The following ACBD6 variants were observed in gnomAD, a reference collection of about 807,000 sequenced individuals.
The protein encoded by ACBD6 is acyl-CoA-binding domain-containing protein 6.
ACBD6 carries 28 observed loss-of-function variants against 37.2 expected under a neutral mutation model. The observed-to-expected ratio is 0.75, with a 90% confidence interval of 0.56 to 1.03. The LOEUF (loss-of-function observed/expected upper bound fraction) is 1.03. ACBD6 is among the 50% of genes least tolerant of loss of function. The pLI is 0.00. For missense variants in ACBD6, 340 were observed against 337.4 expected (o/e 1.01, Z -0.06); for synonymous variants, 113 against 126.8 (o/e 0.89, Z 0.73).
intron 7 of ACBD6, among the ~76,000 whole-genome samples, chr1:180,302,675 T>C (rs1479651040): frequency 6.6e-6 from 1 of 151,642 alleles, no homozygotes; most frequent in Non-Finnish European, 1.5e-5. Flanking sequence ...AACACCCCAC[T>C]GTCAACATTA....
At chr1:180,274,034 G>A (rs1648861607) in exon 11 of ACBD6, 6 of 884,490 alleles carry the variant, frequency 6.8e-6, no homozygotes, top group Non-Finnish European at 1.1e-5. Flanking sequence ...ATATCAGGCT[G>A]CCATATTGGT....
intron 7 of ACBD6, among the ~76,000 whole-genome samples, chr1:180,311,290 G>A (rs1318781381): frequency 6.6e-6 from 1 of 152,212 alleles, no homozygotes; most frequent in Non-Finnish European, 1.5e-5. Flanking sequence ...AGCTCATGCT[G>A]CTAGCTGTGC....
At chr1:180,340,900 G>C (rs1221326399) in intron 6 of ACBD6, among the ~76,000 whole-genome samples, 7 of 152,238 alleles carry the variant, frequency 4.6e-5, no homozygotes, top group Admixed American at 3.9e-4. Context: ...ACAGAATGAT[G>C]ATGAGGATCG....
intron 3 of ACBD6, among the ~76,000 whole-genome samples, chr1:180,442,544 T>C (rs1190791595): frequency 6.6e-6 from 1 of 152,208 alleles, no homozygotes; most frequent in Non-Finnish European, 1.5e-5. Flanking sequence ...CTAAATTTTG[T>C]TTCTGTCTTC....
At chr1:180,337,004 GC>G (rs1276426230) in intron 6 of ACBD6, among the ~76,000 whole-genome samples, 2 of 152,102 alleles carry the variant, frequency 1.3e-5, no homozygotes, top group African/African-American at 4.8e-5. Flanking sequence ...TGAAATTGAG[GC>G]AAAAATTAAT....
chr1:180,415,200 T>C (rs1002948402), intron 4 of ACBD6, among the ~76,000 whole-genome samples: 1 of 151,920 alleles, frequency 6.6e-6, no homozygotes, highest in African/African-American at 2.4e-5. Context: ...AGTTCGAAAC[T>C]AGCCTGACCA....
chr1:180,274,331 G>A, intron 10 of ACBD6: 3 of 1,614,198 alleles, frequency 1.9e-6, no homozygotes, highest in Non-Finnish European at 2.5e-6. Context: ...GAGCCCCTAT[G>A]GAATCCCCCA....
chr1:180,441,394 C>T (rs144035454), intron 3 of ACBD6, among the ~76,000 whole-genome samples: 12 of 152,212 alleles, frequency 7.9e-5, no homozygotes, highest in African/African-American at 2.2e-4. Flanking sequence ...TTTGAATCCA[C>T]TAGTTTTGCT....
chr1:180,382,612 T>C (rs912604514), intron 6 of ACBD6, among the ~76,000 whole-genome samples: 3 of 152,120 alleles, frequency 2.0e-5, no homozygotes, highest in African/African-American at 7.2e-5. Flanking sequence ...CACTGCTGAA[T>C]TCTACCAAAC....
At chr1:180,439,698 C>T (rs1024951123) in intron 3 of ACBD6, among the ~76,000 whole-genome samples, 17 of 152,160 alleles carry the variant, frequency 1.1e-4, no homozygotes, top group Admixed American at 6.5e-5. Context: ...ATGGCCCAAG[C>T]ATCTTCTGTT....
intron 5 of ACBD6, among the ~76,000 whole-genome samples, chr1:180,410,652 C>A (rs748195908): frequency 1.5e-4 from 22 of 150,716 alleles, no homozygotes; most frequent in Admixed American, 6.6e-4. Flanking sequence ...CTGTTGATAC[C>A]CACTGCTCAG....
At chr1:180,379,882 C>T (rs1653574502) in intron 6 of ACBD6, among the ~76,000 whole-genome samples, 1 of 152,182 alleles carries the variant, frequency 6.6e-6, no homozygotes. Context: ...GAAATTTAGA[C>T]ATCCAGATAT....
At position 180,400,311 on chromosome 1, in the gene ACBD6, T is replaced by C. The variant is rs193217928; in HGVS notation, c.574-2706A>G. ...TATAGCAATGTTTTAAGAAGGATGA[T>C]GTGCTCTCAGACATTTACACCATAC... On this transcript the variant is annotated intron_variant, in intron 5 of 7. Coordinates refer to ENST00000367595, the MANE Select transcript of ACBD6 (RefSeq NM_032360.4). Among the ~76,000 whole-genome samples the C allele has an allele frequency of 1.0e-3, 156 of 152,324 alleles. 1 individual carries two copies. Among genetic ancestry groups the C allele is most frequent in the Non-Finnish European group, 1.8e-3 (125 of 68,004 alleles).
At position 180,447,237 on chromosome 1, in the gene ACBD6, A is replaced by G. The variant is rs78674747; in HGVS notation, c.385-16975T>C. Among the ~76,000 whole-genome samples, 39 of 152,300 alleles carry G rather than the reference A, an allele frequency of 2.6e-4. 1 individual carries two copies. The East Asian group carries it at 7.3e-3, about 29-fold the overall frequency. On this transcript the variant is annotated intron_variant, in intron 3 of 7. Transcript: ENST00000367595. ...TTTTTGTATATATACTACATACACT[A>G]GCTAACACATTTTTTAAAGATTAAA...
At chr1:180,305,568 G>C (rs1050044709) in intron 7 of ACBD6, among the ~76,000 whole-genome samples, 5 of 152,162 alleles carry the variant, frequency 3.3e-5, no homozygotes, top group Non-Finnish European at 7.4e-5. Context: ...TCTCACACCA[G>C]TTAGAATGGC....
exon 10 of ACBD6, chr1:180,274,706 C>T: frequency 8.8e-7 from 1 of 1,142,354 alleles, no homozygotes; most frequent in Non-Finnish European, 1.2e-6. Flanking sequence ...AATGGAAGTC[C>T]TCCGCTGATT....
At chr1:180,377,808 A>G (rs1015790501) in intron 6 of ACBD6, among the ~76,000 whole-genome samples, 14 of 152,024 alleles carry the variant, frequency 9.2e-5, no homozygotes, top group South Asian at 4.1e-4. Context: ...TTAGCTGGTC[A>G]TGGTGGCACA....
At chr1:180,465,813 C>T (rs1006786473) in intron 3 of ACBD6, among the ~76,000 whole-genome samples, 1 of 152,104 alleles carries the variant, frequency 6.6e-6, no homozygotes, top group Non-Finnish European at 1.5e-5. Flanking sequence ...ACATACATCA[C>T]AGAATATTAT....
At chr1:180,391,058 T>C (rs1654057977) in intron 6 of ACBD6, among the ~76,000 whole-genome samples, 1 of 151,898 alleles carries the variant, frequency 6.6e-6, no homozygotes, top group Non-Finnish European at 1.5e-5. Flanking sequence ...TTGACAAGAG[T>C]GCTACAATGA....
Sources: gnomAD v4.1 joint callset for allele counts (sites outside exome capture counted in the v4.1 genomes callset) on GRCh38, gnomAD v4.1.1 for gene constraint, MANE v1.5 for transcripts, NCBI Gene and HGNC (gene_info 2026-07-23, HGNC 2026-07-21) for gene names.